The following DLC1 variants were observed in gnomAD, a reference collection of about 807,000 sequenced individuals.
DLC1 encodes DLC1 Rho GTPase activating protein.
In DLC1, 54 loss-of-function variants were observed where a neutral mutation model predicts 140.3. The observed-to-expected ratio is 0.38, with a 90% CI of 0.31 to 0.48. DLC1 has a LOEUF of 0.48. DLC1 is among the 20% of genes least tolerant of loss of function. The pLI is 0.96. For missense variants in DLC1, 2,536 were observed against 1,907.0 expected (o/e 1.33, Z -6.14); for synonymous variants, 986 against 728.1 (o/e 1.35, Z -5.70).
At position 13,083,595 on chromosome 8, in the gene DLC1, G is replaced by A. The variant is rs529524230; in HGVS notation, c.*2216C>T. On this transcript the variant is annotated 3_prime_UTR_variant, in exon 18 of 18. Coordinates refer to ENST00000276297, the MANE Select transcript of DLC1 (RefSeq NM_182643.3). ...TTGTCAAATTAAACAGTGGGAAAGA[G>A]AACTTTTGTGGCATTCACTGGTGAC... is the stretch of plus-strand genomic sequence containing the variant. The A allele has an allele frequency of 6.5e-6, 1 of 152,742 alleles. No individual in the cohort carries two copies. Among genetic ancestry groups the A allele is most frequent in the Non-Finnish European group, 1.5e-5 (1 of 68,044 alleles). 9.5% of individuals were successfully genotyped at this position (152,742 alleles called of 1,614,324 possible). A position where few individuals can be genotyped will look rare whatever the true frequency, so the allele number is the denominator to read the frequency against.
At chr8:13,364,021 G>T (rs1157719386) in intron 4 of DLC1, among the ~76,000 whole-genome samples, 1 of 152,180 alleles carries the variant, frequency 6.6e-6, no homozygotes, top group Non-Finnish European at 1.5e-5. Context: ...GCAGGGAGAG[G>T]TAGGGGTGTG....
chr8:13,533,370 T>A (rs1430679712), intron 1 of DLC1, among the ~76,000 whole-genome samples: 1 of 152,196 alleles, frequency 6.6e-6, no homozygotes, highest in Non-Finnish European at 1.5e-5. Flanking sequence ...TTAAGATATT[T>A]TGAAGCCCCA....
chr8:13,122,954 T>G (rs1358252539), intron 5 of DLC1, among the ~76,000 whole-genome samples: 2 of 152,160 alleles, frequency 1.3e-5, no homozygotes, highest in Non-Finnish European at 2.9e-5. Context: ...TCATCCTACA[T>G]TTTCCCTTTC....
At chr8:13,258,896 G>T (rs574571057) in intron 5 of DLC1, among the ~76,000 whole-genome samples, 66 of 152,198 alleles carry the variant, frequency 4.3e-4, no homozygotes, top group African/African-American at 1.6e-3. Flanking sequence ...CCAGCACTTT[G>T]GGAGGCCGAG....
intron 5 of DLC1, among the ~76,000 whole-genome samples, chr8:13,129,466 G>A (rs546328811): frequency 3.9e-5 from 6 of 152,284 alleles, no homozygotes; most frequent in African/African-American, 9.6e-5. Flanking sequence ...CTTGAATGAC[G>A]TACAGATTAC....
chr8:13,504,394 G>C (rs974105195), intron 1 of DLC1, among the ~76,000 whole-genome samples: 1 of 152,140 alleles, frequency 6.6e-6, no homozygotes, highest in Non-Finnish European at 1.5e-5. Flanking sequence ...CAAACTGTTG[G>C]GATCACAGGC....
intron 10 of DLC1, among the ~76,000 whole-genome samples, chr8:13,096,878 A>T (rs1315457023): frequency 6.6e-6 from 1 of 152,212 alleles, no homozygotes; most frequent in African/African-American, 2.4e-5. Flanking sequence ...ACTGGATAAT[A>T]AACACTCAGA....
chr8:13,451,909 T>C (rs2088082942), intron 2 of DLC1, among the ~76,000 whole-genome samples: 2 of 152,216 alleles, frequency 1.3e-5, no homozygotes, highest in South Asian at 4.1e-4. Context: ...CTGGATCATA[T>C]GGTAGCTCTG....
chr8:13,489,450 A>AC (rs1554530251), intron 2 of DLC1, among the ~76,000 whole-genome samples: 19 of 89,516 alleles, frequency 2.1e-4, no homozygotes, highest in African/African-American at 7.1e-4. Flanking sequence ...CACACACACA[A>AC]AATGTTGCTA....
intron 5 of DLC1, among the ~76,000 whole-genome samples, chr8:13,140,304 C>G (rs920931763): frequency 6.6e-6 from 1 of 152,166 alleles, no homozygotes; most frequent in Non-Finnish European, 1.5e-5. Flanking sequence ...GTGACCATAA[C>G]TCACTGCAGC....
At chr8:13,122,043 T>C (rs1309013233) in intron 5 of DLC1, among the ~76,000 whole-genome samples, 1 of 152,270 alleles carries the variant, frequency 6.6e-6, no homozygotes, top group East Asian at 1.9e-4. Context: ...TGGATTATCC[T>C]AACAGCCTCC....
rs752185771 is a variant in DLC1 at position 13,095,067 on chromosome 8, C to T, written c.3327+19G>A. ...TCCGAGCTCCCCTGAGTACGTGGAC[C>T]CGCAGGCAGCGCTCTCACCTGATCC... On this transcript the variant is annotated intron_variant, in intron 11 of 17. Coordinates refer to ENST00000276297, the MANE Select transcript of DLC1 (RefSeq NM_182643.3). 18 of 1,613,858 alleles carry T rather than the reference C, an allele frequency of 1.1e-5. No homozygotes were observed. In the East Asian group the frequency reaches 3.8e-4, roughly 34 times the overall value.
At chr8:13,480,922 A>C (rs2117117110) in intron 2 of DLC1, among the ~76,000 whole-genome samples, 1 of 152,190 alleles carries the variant, frequency 6.6e-6, no homozygotes, top group East Asian at 1.9e-4. Flanking sequence ...TAAATAAATA[A>C]ATATGTAAGT....
rs536405144 is a variant in DLC1 at position 13,529,729 on chromosome 8, A to G, written c.-125-29533T>C. Among the ~76,000 whole-genome samples the G allele has an allele frequency of 2.2e-4, 34 of 152,318 alleles. 2 individuals carry two copies. The Middle Eastern group carries it at 0.044, about 198-fold the overall frequency. ...AAAGGGAGCACCTATCCTTCCAGAA[A>G]GATGAGACTACTATGTTCTAGAAAT... is the stretch of plus-strand genomic sequence containing the variant. On this transcript the variant is annotated intron_variant, in intron 1 of 1. Coordinates refer to the DLC1 transcript ENST00000631382.
intron 2 of DLC1, among the ~76,000 whole-genome samples, chr8:13,408,696 C>T (rs1837667145): frequency 6.6e-6 from 1 of 152,114 alleles, no homozygotes; most frequent in Non-Finnish European, 1.5e-5. Context: ...ACTCAGGTCA[C>T]TAAATACATT....
chr8:13,601,490 T>C (rs762866705), intron 1 of DLC1, among the ~76,000 whole-genome samples: 5 of 151,856 alleles, frequency 3.3e-5, no homozygotes, highest in Non-Finnish European at 5.9e-5. Flanking sequence ...CTATGTGCCT[T>C]ATTTTTGATT....
At chr8:13,314,188 C>T (rs1832781006) in intron 4 of DLC1, among the ~76,000 whole-genome samples, 1 of 149,888 alleles carries the variant, frequency 6.7e-6, no homozygotes. Flanking sequence ...GAAATATATT[C>T]ATATAATTAT....
chr8:13,579,260 A>ATATATATATATATATATATATATATG (rs1182154684), intron 1 of DLC1, among the ~76,000 whole-genome samples: 1 of 109,468 alleles, frequency 9.1e-6, no homozygotes, highest in African/African-American at 3.6e-5. Context: ...ATATATATAT[A>ATATATATATATATATATATATATATG]TATATATATG....
chr8:13,411,998 T>C (rs1382051822), intron 2 of DLC1, among the ~76,000 whole-genome samples: 1 of 152,096 alleles, frequency 6.6e-6, no homozygotes, highest in Non-Finnish European at 1.5e-5. Flanking sequence ...ATCCAAATGT[T>C]CTATGAAACA....
Sources: allele counts gnomAD v4.1 joint callset (sites outside exome capture counted in the v4.1 genomes callset), GRCh38; gene constraint gnomAD v4.1.1; transcripts MANE v1.5; gene names NCBI Gene and HGNC (gene_info 2026-07-23, HGNC 2026-07-21).